MALRD1: variants seen among roughly 807,000 people sequenced by gnomAD.
MALRD1 encodes MAM and LDL-receptor class A domain-containing protein 1.
A neutral mutation model predicts 242.1 loss-of-function variants in MALRD1; 247 were observed. The observed-to-expected ratio is 1.02, with a 90% CI of 0.92 to 1.13. The LOEUF (loss-of-function observed/expected upper bound fraction) is 1.13, where lower values mean the gene tolerates loss of function less well. MALRD1 is among the 50% of genes most tolerant of loss of function. MALRD1 has a pLI of 0.00. For synonymous variants in MALRD1, 995 were observed against 866.6 expected, an observed-to-expected ratio of 1.15 and a Z score of -2.60; for missense variants, 2,989 against 2,533.1, an observed-to-expected ratio of 1.18 and a Z score of -3.86.
chr10:19,677,372 G>A (rs1035744730), intron 36 of MALRD1, among the ~76,000 whole-genome samples: 1 of 152,128 alleles, frequency 6.6e-6, no homozygotes, highest in Admixed American at 6.6e-5. Context: ...CTGTGAGATG[G>A]TATCTCATTG....
At chr10:19,095,279 T>C (rs375977780) in intron 4 of MALRD1, among the ~76,000 whole-genome samples, 15 of 152,286 alleles carry the variant, frequency 9.8e-5, no homozygotes, top group African/African-American at 3.4e-4. Context: ...TGATTGGTTG[T>C]AAATCACTAT....
At chr10:19,619,100 G>A (rs747143886) in intron 36 of MALRD1, among the ~76,000 whole-genome samples, 4 of 152,024 alleles carry the variant, frequency 2.6e-5, no homozygotes, top group African/African-American at 9.7e-5. Context: ...TAGCCATCAC[G>A]AATTTCACGT....
At chr10:19,136,894 G>C in intron 10 of MALRD1, 113 bp downstream of exon 10, 3 of 619,644 alleles carry the variant, frequency 4.8e-6, no homozygotes, top group Non-Finnish European at 4.7e-6. Context: ...TATGAAATGT[G>C]ATAAATATGC....
At chr10:19,235,193 T>A (rs543941959) in intron 18 of MALRD1, among the ~76,000 whole-genome samples, 1 of 152,218 alleles carries the variant, frequency 6.6e-6, no homozygotes, top group African/African-American at 2.4e-5. Context: ...GGCCGCTCTT[T>A]TGGCTGTAAG....
Position 19,204,412 on chromosome 10 carries a change from T to C in MALRD1, c.2209T>C (p.Trp737Arg). The C allele has an allele frequency of 5.2e-6, 8 of 1,537,186 alleles. No individual in the cohort carries two copies. The highest frequency in any genetic ancestry group is 7.0e-6 in the Non-Finnish European group (8 of 1,139,276). ...QTGPGCILSF[W>R]FYNYGLSVGA... The stretch of plus-strand genomic sequence containing the variant: ...AGGACCTGGATGCATACTTTCCTTC[T>C]GGTAAATATTAAACAAATATTTAAA... The change falls in exon 16 of 40, where the codon TGG becomes CGG. Residue 737 changes from tryptophan to arginine, a missense_variant and splice_region_variant. Transcript: ENST00000454679.
chr10:19,439,313 T>G (rs2130977245), intron 28 of MALRD1, among the ~76,000 whole-genome samples: 1 of 152,206 alleles, frequency 6.6e-6, no homozygotes, highest in Admixed American at 6.5e-5. Context: ...GGAGGATAGC[T>G]TGAGCCCATT....
At chr10:19,582,341 T>A (rs1409585516) in intron 33 of MALRD1, among the ~76,000 whole-genome samples, 1 of 149,632 alleles carries the variant, frequency 6.7e-6, no homozygotes, top group Non-Finnish European at 1.5e-5. Flanking sequence ...TCTTCTAGGG[T>A]TTTTATGGTT....
intron 26 of MALRD1, among the ~76,000 whole-genome samples, chr10:19,384,867 AT>A (rs1434086215): frequency 6.6e-6 from 1 of 150,898 alleles, no homozygotes; most frequent in African/African-American, 2.4e-5. Context: ...AGAACTGAAA[AT>A]TTTTTACTGT....
intron 32 of MALRD1, among the ~76,000 whole-genome samples, chr10:19,554,034 C>T (rs1835606163): frequency 6.6e-6 from 1 of 152,118 alleles, no homozygotes; most frequent in African/African-American, 2.4e-5. Context: ...AAATCCCCTG[C>T]TTTTATAGCA....
chr10:19,703,517 G>A (rs1258138514), intron 38 of MALRD1, among the ~76,000 whole-genome samples: 1 of 152,184 alleles, frequency 6.6e-6, no homozygotes, highest in Non-Finnish European at 1.5e-5. Flanking sequence ...CTTCAAGGAA[G>A]CAGGAAATAC....
At chr10:19,494,283 G>A (rs1017673042) in intron 30 of MALRD1, among the ~76,000 whole-genome samples, 3 of 146,554 alleles carry the variant, frequency 2.0e-5, no homozygotes, top group Admixed American at 2.0e-4. Context: ...TCTAATGACT[G>A]TACTCAATCT....
intron 36 of MALRD1, among the ~76,000 whole-genome samples, chr10:19,667,826 G>A (rs1841741985): frequency 6.6e-6 from 1 of 152,020 alleles, no homozygotes; most frequent in African/African-American, 2.4e-5. Flanking sequence ...ATGTAATGAT[G>A]GCCTGATACA....
rs1274764354 is a variant in MALRD1, at chr10:19,108,399, T to G, written c.694+4324T>G. ...TGAATTGTTTTTTCTTTTTTTTTTT[T>G]TTTTTTTTTTTTTTTTTTTTTTTTT... is the stretch of plus-strand genomic sequence containing the variant. On this transcript the variant is annotated intron_variant, in intron 5 of 39. Transcript: ENST00000454679. 3.6e-3 allele frequency among the ~76,000 whole-genome samples: 33 copies of G among 9,290 alleles called. 1 individual carries two copies. The highest frequency in any genetic ancestry group is 0.1 in the Middle Eastern group (1 of 10). The allele number at this position is 9,290 out of a possible 152,430, so 6.1% of individuals were successfully genotyped here.
chr10:19,307,482 A>C (rs1004133482), intron 21 of MALRD1, among the ~76,000 whole-genome samples: 1 of 151,568 alleles, frequency 6.6e-6, no homozygotes, highest in African/African-American at 2.4e-5. Context: ...TGAGAATTTG[A>C]CACATTCAGT....
At chr10:19,532,923 A>G (rs1834489447) in intron 32 of MALRD1, among the ~76,000 whole-genome samples, 1 of 152,228 alleles carries the variant, frequency 6.6e-6, no homozygotes, top group Non-Finnish European at 1.5e-5. Context: ...GCTAAATTTT[A>G]TCCAGTGTAA....
chr10:19,622,718 CTTTG>C (rs1400474220), intron 36 of MALRD1, among the ~76,000 whole-genome samples: 1 of 150,742 alleles, frequency 6.6e-6, no homozygotes, highest in African/African-American at 2.4e-5. Context: ...TACTACTGAG[CTTTG>C]TAGCTCAGTA....
chr10:19,548,484 T>C (rs144152511), intron 32 of MALRD1, among the ~76,000 whole-genome samples: 182 of 152,280 alleles, frequency 1.2e-3, no homozygotes, highest in Non-Finnish European at 2.2e-3. Flanking sequence ...CAAGTAAAAG[T>C]AGATCTTTGG....
At chr10:19,349,728 G>A (rs1844290006) in intron 25 of MALRD1, among the ~76,000 whole-genome samples, 1 of 152,024 alleles carries the variant, frequency 6.6e-6, no homozygotes, top group Admixed American at 6.6e-5. Flanking sequence ...TAGATATTCT[G>A]AAAATCACAA....
intron 12 of MALRD1, among the ~76,000 whole-genome samples, chr10:19,162,032 ACAACAACAACAG>A (rs1423035380): frequency 2.1e-5 from 3 of 145,822 alleles, no homozygotes; most frequent in Admixed American, 6.9e-5. Flanking sequence ...TGTCTCAAGA[ACAACAACAACAG>A]CAACAACAAC....
Sources: allele counts gnomAD v4.1 joint callset (sites outside exome capture counted in the v4.1 genomes callset), GRCh38; gene constraint gnomAD v4.1.1; transcripts MANE v1.5; gene names NCBI Gene and HGNC (gene_info 2026-07-23, HGNC 2026-07-21).